The following FSTL4 variants were observed in gnomAD, a reference collection of about 807,000 sequenced individuals.
FSTL4 encodes follistatin-related protein 4.
In FSTL4, 28 loss-of-function variants were observed where a neutral mutation model predicts 78.2. The ratio of observed to expected loss-of-function variants is 0.36; its 90% CI spans 0.27 to 0.49. The LOEUF (loss-of-function observed/expected upper bound fraction) is 0.49. Ranked by LOEUF, FSTL4 falls within the 20% of genes least tolerant of loss-of-function variation. The probability of loss-of-function intolerance (pLI) is 0.98; values close to 1 mark genes in which losing one functional copy is unlikely to be tolerated. For synonymous variants in FSTL4, 422 were observed against 440.5 expected, an observed-to-expected ratio of 0.96 and a Z score of 0.53; for missense variants, 922 against 1,084.9, an observed-to-expected ratio of 0.85 and a Z score of 2.11.
chr5:133,429,610 A>T (rs975169529), intron 3 of FSTL4, among the ~76,000 whole-genome samples: 4 of 152,118 alleles, frequency 2.6e-5, no homozygotes, highest in African/African-American at 9.7e-5. Flanking sequence ...TGTCCTCTTG[A>T]TTGTGAATCT....
At chr5:133,741,575 C>A in the FSTL4 span, among the ~76,000 whole-genome samples, 1 of 152,206 alleles carries the variant, frequency 6.6e-6, no homozygotes, top group Admixed American at 6.5e-5. Flanking sequence ...AGAAAAGTGG[C>A]CAAGACAAGA....
chr5:133,649,755 G>T, the FSTL4 span, among the ~76,000 whole-genome samples: 7 of 151,886 alleles, frequency 4.6e-5, no homozygotes, highest in Non-Finnish European at 8.8e-5. Flanking sequence ...TTTGAATAAG[G>T]GTCCTTTATC....
chr5:133,377,281 A>T (rs1478781959), intron 4 of FSTL4, among the ~76,000 whole-genome samples: 2 of 152,190 alleles, frequency 1.3e-5, no homozygotes, highest in Non-Finnish European at 2.9e-5. Flanking sequence ...TAGGACAGAG[A>T]TTTCATGCTG....
chr5:133,674,361 C>A, the FSTL4 span, among the ~76,000 whole-genome samples: 1 of 152,192 alleles, frequency 6.6e-6, no homozygotes, highest in Admixed American at 6.6e-5. Context: ...GAGGTCACTG[C>A]AGTTCTGGCC....
the FSTL4 span, among the ~76,000 whole-genome samples, chr5:133,655,219 C>G: frequency 6.6e-6 from 1 of 152,154 alleles, no homozygotes; most frequent in South Asian, 2.1e-4. Flanking sequence ...TCTCTTCTTC[C>G]CCATAATTAC....
At chr5:133,773,386 A>G in the FSTL4 span, among the ~76,000 whole-genome samples, 10 of 152,230 alleles carry the variant, frequency 6.6e-5, no homozygotes, top group East Asian at 1.9e-3. Flanking sequence ...ACTGACCTGT[A>G]TAGATTGCAA....
intron 12 of FSTL4, among the ~76,000 whole-genome samples, chr5:133,218,789 C>G (rs182650633): frequency 1.3e-5 from 2 of 152,340 alleles, no homozygotes; most frequent in East Asian, 3.9e-4. Flanking sequence ...TACCCTTACT[C>G]TCTTACCAGC....
chr5:133,443,123 C>T (rs1171949674), intron 3 of FSTL4, among the ~76,000 whole-genome samples: 2 of 152,308 alleles, frequency 1.3e-5, no homozygotes, highest in Non-Finnish European at 2.9e-5. Flanking sequence ...GTCTTCTGCA[C>T]GACACCTTGT....
intron 4 of FSTL4, among the ~76,000 whole-genome samples, chr5:133,336,514 G>C (rs1015641123): frequency 6.6e-6 from 1 of 152,374 alleles, no homozygotes; most frequent in South Asian, 2.1e-4. Flanking sequence ...GCTGAGAGCT[G>C]TGTGAATGCT....
intron 7 of FSTL4, among the ~76,000 whole-genome samples, chr5:133,245,398 C>T (rs1752011310): frequency 6.6e-6 from 1 of 152,260 alleles, no homozygotes; most frequent in South Asian, 2.1e-4. Context: ...CTGACCCTGT[C>T]ACTCCCCCAT....
At chr5:133,427,579 G>A (rs202100313) in intron 3 of FSTL4, 65 of 513,978 alleles carry the variant, frequency 1.3e-4, no homozygotes, top group Non-Finnish European at 2.5e-4. Flanking sequence ...CGCAATGGCG[G>A]GGGGAAGGGC....
intron 6 of FSTL4, among the ~76,000 whole-genome samples, chr5:133,308,316 G>C (rs1225115135): frequency 6.6e-6 from 1 of 152,214 alleles, no homozygotes; most frequent in Non-Finnish European, 1.5e-5. Flanking sequence ...AAATTCAAGA[G>C]CCAAGTAAAT....
chr5:133,726,850 G>A, the FSTL4 span, among the ~76,000 whole-genome samples: 3 of 152,294 alleles, frequency 2.0e-5, no homozygotes, highest in Non-Finnish European at 4.4e-5. Context: ...TTTGCTGAAC[G>A]AAATTAAGAT....
chr5:133,317,916 G>T (rs574727891), intron 4 of FSTL4, among the ~76,000 whole-genome samples: 50 of 152,292 alleles, frequency 3.3e-4, no homozygotes, highest in African/African-American at 1.2e-3. Flanking sequence ...AGCTACTGGG[G>T]GGAAAGGGAT....
At chr5:133,764,448 C>T in the FSTL4 span, among the ~76,000 whole-genome samples, 752 of 152,308 alleles carry the variant, frequency 4.9e-3, 4 homozygotes, top group Non-Finnish European at 7.9e-3. Flanking sequence ...AGCCAAAGGT[C>T]CCCTTCATGA....
At chr5:133,517,653 G>A (rs1195539865) in intron 3 of FSTL4, among the ~76,000 whole-genome samples, 1 of 150,872 alleles carries the variant, frequency 6.6e-6, no homozygotes, top group Non-Finnish European at 1.5e-5. Context: ...GAGAGAGAGG[G>A]AGAAATAGAT....
intron 3 of FSTL4, among the ~76,000 whole-genome samples, chr5:133,514,575 C>T (rs1758815865): frequency 6.6e-6 from 1 of 152,076 alleles, no homozygotes; most frequent in Non-Finnish European, 1.5e-5. Flanking sequence ...AAGGCTAGAA[C>T]AAATAATCAA....
intron 3 of FSTL4, among the ~76,000 whole-genome samples, chr5:133,561,691 C>A (rs1051684099): frequency 1.3e-5 from 2 of 152,188 alleles, no homozygotes; most frequent in African/African-American, 2.4e-5. Flanking sequence ...TCAGCCAGCA[C>A]AAGTTGGGTT....
At chr5:133,779,061 AG>A in the FSTL4 span, among the ~76,000 whole-genome samples, 1 of 152,238 alleles carries the variant, frequency 6.6e-6, no homozygotes, top group East Asian at 1.9e-4. Flanking sequence ...AGTGGCCCAT[AG>A]TACCCATCTT....
Sources: gnomAD v4.1 joint callset for allele counts (sites outside exome capture counted in the v4.1 genomes callset) on GRCh38, gnomAD v4.1.1 for gene constraint, MANE v1.5 for transcripts, NCBI Gene and HGNC (gene_info 2026-07-23, HGNC 2026-07-21) for gene names.